Variants in POLR3H observed in about 807,000 individuals in gnomAD.
POLR3H encodes the protein RNA polymerase III subunit H.
In POLR3H, 17 loss-of-function variants were observed where a neutral mutation model predicts 25.5. The observed-to-expected ratio is 0.67, with a 90% CI of 0.46 to 1.00. The LOEUF (loss-of-function observed/expected upper bound fraction) is 1.00. POLR3H is among the 50% of genes least tolerant of loss of function. POLR3H has a pLI of 0.00. For synonymous variants in POLR3H, 129 were observed against 103.0 expected, an observed-to-expected ratio of 1.25 and a Z score of -1.53; for missense variants, 274 against 265.0, an observed-to-expected ratio of 1.03 and a Z score of -0.24.
rs2066649029 is a variant in POLR3H, at chr22:41,528,405, C to T, written c.*878G>A. The T allele has an allele frequency of 1.3e-6, 2 of 1,568,136 alleles. No homozygotes were observed. The highest frequency in any genetic ancestry group is 1.4e-5 in the African/African-American group (1 of 73,780). On this transcript the variant is annotated 3_prime_UTR_variant, in exon 6 of 6. Transcript: ENST00000355209. ...CTTAGGTCCCCAGGCAGTGCCCTGTCTCCCTGACCCCCCTGCGGGGCCAAG... is the reference window on the plus strand; with the variant it reads ...CTTAGGTCCCCAGGCAGTGCCCTGTTTCCCTGACCCCCCTGCGGGGCCAAG...
chr22:41,544,076 T>TCCACCCCCC lies in POLR3H; in HGVS notation c.25_26insGGGGGGTGG (p.Val8_Asp9insGlyGlyVal), dbSNP rs2066978423. The TCCACCCCCC allele has an allele frequency of 1.2e-6, 2 of 1,611,530 alleles. No homozygotes were observed. The highest frequency in any genetic ancestry group is 2.2e-5 in the South Asian group (2 of 91,008). On this transcript the variant is annotated inframe_insertion, in exon 1 of 6. Transcript: ENST00000355209. ...CTGCCAAGGGGGGATCCGGACGGTGTCCACCATTTCCACCAGGACGAACAT... is the reference window on the plus strand; with the variant it reads ...CTGCCAAGGGGGGATCCGGACGGTGTCCACCCCCCCCACCATTTCCACCAGGACGAACAT...
intron 5 of POLR3H, among the ~76,000 whole-genome samples, 193 bp downstream of exon 5, chr22:41,530,494 C>G (rs1275046021): frequency 6.6e-6 from 1 of 152,214 alleles, no homozygotes; most frequent in African/African-American, 2.4e-5. Flanking sequence ...CAGCCATGTA[C>G]CTTTACTGCC....
At chr22:41,543,397 G>T (rs1006548111) in intron 1 of POLR3H, among the ~76,000 whole-genome samples, 7 of 152,088 alleles carry the variant, frequency 4.6e-5, no homozygotes, top group African/African-American at 1.7e-4. Flanking sequence ...GGAGGCCGAG[G>T]CGGGGGGATC....
intron 1 of POLR3H, among the ~76,000 whole-genome samples, chr22:41,541,669 C>G (rs943436634): frequency 6.6e-6 from 1 of 152,206 alleles, no homozygotes; most frequent in African/African-American, 2.4e-5. Context: ...TACTAGAAGA[C>G]TTGTCCCAAC....
In POLR3H at chr22:41,527,586, G is replaced by A. The variant is rs575826351; in HGVS notation, c.*1697C>T. The A allele has an allele frequency of 7.6e-4, 774 of 1,016,608 alleles. 1 individual carries two copies. Among genetic ancestry groups the A allele is most frequent in the Admixed American group, 2.1e-3 (75 of 35,424 alleles). The allele number at this position is 1,016,608 out of a possible 1,614,324, so 63.0% of individuals were successfully genotyped here. A position where few individuals can be genotyped will look rare whatever the true frequency, so the allele number is the denominator to read the frequency against. On this transcript the variant is annotated 3_prime_UTR_variant, in exon 6 of 6. Transcript: ENST00000355209. ...TAGGCTCACACAGTGCACATCCGAC[G>A]CTCAGCTTCCCGGCTTCCCGCAGGC... is the stretch of plus-strand genomic sequence containing the variant.
intron 3 of POLR3H, chr22:41,532,458 G>C: frequency 1.1e-6 from 1 of 949,036 alleles, no homozygotes; most frequent in Non-Finnish European, 1.6e-6. Context: ...GAAGTCCTGA[G>C]TGACGGCCTC....
intron 4 of POLR3H, among the ~76,000 whole-genome samples, chr22:41,531,269 G>A (rs564938516): frequency 9.2e-5 from 14 of 152,334 alleles, no homozygotes; most frequent in South Asian, 4.2e-4. Context: ...ACAGGCTGAT[G>A]GGCACCCAAG....
chr22:41,535,948 C>T (rs1363341897), intron 2 of POLR3H, among the ~76,000 whole-genome samples: 4 of 151,920 alleles, frequency 2.6e-5, no homozygotes, highest in East Asian at 3.9e-4. Context: ...GCAGCGTGGG[C>T]GACAGAGTAA....
Position 41,533,125 on chromosome 22 carries a change from C to A in POLR3H, c.209-380G>T, listed in dbSNP as rs546491065. Among the ~76,000 whole-genome samples the A allele has an allele frequency of 2.8e-4, 42 of 152,326 alleles. 1 individual carries two copies. In the Middle Eastern group the frequency reaches 0.014, roughly 49 times the overall value. On this transcript the variant is annotated intron_variant, in intron 2 of 5. Coordinates refer to ENST00000355209, the MANE Select transcript of POLR3H (RefSeq NM_001018050.4). ...CTCCTGCTGAGCAGCAAAGTCGGCCCCAGGCACAGCTCTGACCTGGAGAGG... is the reference window on the plus strand; with the variant it reads ...CTCCTGCTGAGCAGCAAAGTCGGCCACAGGCACAGCTCTGACCTGGAGAGG...
chr22:41,542,356 T>A (rs2066942625), intron 1 of POLR3H, among the ~76,000 whole-genome samples: 1 of 152,036 alleles, frequency 6.6e-6, no homozygotes, highest in South Asian at 2.1e-4. Flanking sequence ...AGTGGTGGGA[T>A]TACAGGTGTG....
In POLR3H at chr22:41,529,766, T is replaced by G. The variant is rs533488998; in HGVS notation, c.562-430A>C. 231 of 448,472 alleles carry G rather than the reference T, an allele frequency of 5.2e-4. 1 individual carries two copies. Among genetic ancestry groups the G allele is most frequent in the East Asian group, 1.5e-3 (22 of 14,756 alleles). The allele number at this position is 448,472 out of a possible 1,614,324, so 27.8% of individuals were successfully genotyped here. ...GGAGCCCTACCTTTTTTTTGTTGTT[T>G]TTTTTTTTTGAGACAGTCTCGCACT... On this transcript the variant is annotated intron_variant, in intron 5 of 5. Coordinates refer to ENST00000355209, the MANE Select transcript of POLR3H (RefSeq NM_001018050.4).
intron 2 of POLR3H, among the ~76,000 whole-genome samples, chr22:41,533,999 G>T (rs1259205675): frequency 6.6e-6 from 1 of 152,176 alleles, no homozygotes; most frequent in African/African-American, 2.4e-5. Context: ...TTAGCCGGGT[G>T]TGGTACCAGG....
chr22:41,543,054 G>C (rs2066954055), intron 1 of POLR3H, among the ~76,000 whole-genome samples: 1 of 152,106 alleles, frequency 6.6e-6, no homozygotes, highest in Admixed American at 6.6e-5. Flanking sequence ...CTCCCGCCAG[G>C]CTTTGGCTAA....
rs2066983172 is a variant in POLR3H at position 41,544,288 on chromosome 22, CTG to C, written c.-189_-188del. On this transcript the variant is annotated 5_prime_UTR_variant, in exon 1 of 6. Transcript: ENST00000355209. ...GCTCCGCTACTACAACATGAGGAAA[CTG>C]AGGCCAGAGGGAGGCACTCTCCGTC... is the stretch of plus-strand genomic sequence containing the variant. 1 of 549,990 alleles carries C rather than the reference CTG, an allele frequency of 1.8e-6. No individual in the cohort carries two copies. 34.1% of individuals were successfully genotyped at this position (549,990 alleles called of 1,614,324 possible). A position where few individuals can be genotyped will look rare whatever the true frequency, so the allele number is the denominator to read the frequency against.
Position 41,530,731 on chromosome 22 carries a change from A to C in POLR3H, c.517T>G (p.Ser173Ala). The change falls in exon 5 of 6, where the codon TCC becomes GCC. Residue 173 changes from serine (S) to alanine (A), a missense_variant. Coordinates refer to ENST00000355209, the MANE Select transcript of POLR3H (RefSeq NM_001018050.4). ...TCCTTCTTTGGCAGCTCCTCACTGG[A>C]AGTGGTGGCATCTGCTGAGCTGGGC... ...TGPSSADATT[S>A]SEELPKKEAP... is the part of the protein sequence containing the mutation. 1 of 1,613,836 alleles carries C rather than the reference A, an allele frequency of 6.2e-7. No homozygotes were observed. The highest frequency in any genetic ancestry group is 1.1e-5 in the South Asian group (1 of 91,068).
chr22:41,529,571 T>TC (rs2066680112), intron 5 of POLR3H: 1 of 694,644 alleles, frequency 1.4e-6, no homozygotes, highest in Non-Finnish European at 2.6e-6. Flanking sequence ...CAGGGACCCT[T>TC]CCTCACCCTT....
intron 1 of POLR3H, among the ~76,000 whole-genome samples, chr22:41,541,358 C>G (rs1204236846): frequency 2.0e-5 from 3 of 152,160 alleles, no homozygotes; most frequent in African/African-American, 7.2e-5. Context: ...ACAGACGCAG[C>G]CACAGGGACT....
rs1315213062 is a variant in POLR3H at position 41,527,401 on chromosome 22, G to A, written c.*1882C>T. The A allele has an allele frequency of 2.5e-6, 4 of 1,612,776 alleles. No individual in the cohort carries two copies. The South Asian group carries it at 3.3e-5, about 13-fold the overall frequency. On this transcript the variant is annotated 3_prime_UTR_variant, in exon 6 of 6. Transcript: ENST00000355209. ...TTGGGGGCCGGGCCATCATCACCAAGAGCTTTGCCAGGATCCACGGTGAGC... is the reference window on the plus strand; with the variant it reads ...TTGGGGGCCGGGCCATCATCACCAAAAGCTTTGCCAGGATCCACGGTGAGC...
At chr22:41,530,310 T>C (rs1336338104) in intron 5 of POLR3H, among the ~76,000 whole-genome samples, 1 of 151,014 alleles carries the variant, frequency 6.6e-6, no homozygotes, top group Non-Finnish European at 1.5e-5. Context: ...TTCTCACTTT[T>C]TTAGCCAGGC....
Sources: gnomAD v4.1 joint callset for allele counts (sites outside exome capture counted in the v4.1 genomes callset) on GRCh38, gnomAD v4.1.1 for gene constraint, MANE v1.5 for transcripts, NCBI Gene and HGNC (gene_info 2026-07-23, HGNC 2026-07-21) for gene names.